The following FMNL1 variants were observed in gnomAD, a reference collection of about 807,000 sequenced individuals.
FMNL1 encodes the protein formin-like protein 1.
A neutral mutation model predicts 121.3 loss-of-function variants in FMNL1; 43 were observed. The ratio of observed to expected loss-of-function variants is 0.35; its 90% confidence interval spans 0.28 to 0.46. The LOEUF is 0.46. Ranked by LOEUF, FMNL1 falls within the 20% of genes least tolerant of loss-of-function variation. The pLI, the probability that FMNL1 is intolerant of heterozygous loss-of-function variation, is 1.00. For synonymous variants in FMNL1, 613 were observed against 613.5 expected, an observed-to-expected ratio of 1.00 and a Z score of 0.01; for missense variants, 1,191 against 1,482.4, an observed-to-expected ratio of 0.80 and a Z score of 3.23.
In FMNL1 at chr17:45,232,471, C is replaced by T. The variant is rs780662516; in HGVS notation, c.318C>T (p.Ser106=). Reference sequence around the variant, plus strand: ...GAAAGGTAGCAGCTGATTGGATGTCCAACCTGGGGGTACATGTCTCCCCTC... The same window carrying T: ...GAAAGGTAGCAGCTGATTGGATGTCTAACCTGGGGGTACATGTCTCCCCTC... ...VSRKVAADWM[S]NLGFKRRVQE... is the part of the protein sequence containing the mutation. The change falls in exon 3 of 27, where the codon TCC becomes TCT. Residue 106 remains serine, a synonymous_variant. Transcript: ENST00000331495. 6.2e-7 allele frequency: 1 copy of T among 1,613,990 alleles called. No individual in the cohort carries two copies.
intron 2 of FMNL1, among the ~76,000 whole-genome samples, chr17:45,230,958 G>A (rs1241325034): frequency 2.6e-5 from 4 of 152,212 alleles, no homozygotes; most frequent in Non-Finnish European, 5.9e-5. Context: ...TGGGGCAGCT[G>A]GGGCCTCGCA....
rs2043234578 is a variant in FMNL1 at position 45,221,983 on chromosome 17, G to A, written c.-142G>A. On this transcript the variant is annotated 5_prime_UTR_variant, in exon 1 of 27. Coordinates refer to ENST00000331495, the MANE Select transcript of FMNL1 (RefSeq NM_005892.4). Reference sequence around the variant, plus strand: ...CGGCCCCTGCGCGCCGCTGAGCCGAGCGCCCCCCGCTGCCGAGACCCCCGC... The same window carrying A: ...CGGCCCCTGCGCGCCGCTGAGCCGAACGCCCCCCGCTGCCGAGACCCCCGC... The A allele has an allele frequency of 1.8e-6, 1 of 561,296 alleles. No individual in the cohort carries two copies. 34.8% of individuals were successfully genotyped at this position (561,296 alleles called of 1,614,324 possible).
Position 45,244,242 on chromosome 17 carries a change from G to T in FMNL1, c.2515G>T (p.Glu839Ter). The change falls in exon 19 of 27, where the codon GAG becomes TAG. Residue 839 changes from glutamate to a stop codon, truncating the protein, a stop_gained and splice_region_variant. Coordinates refer to ENST00000331495, the MANE Select transcript of FMNL1 (RefSeq NM_005892.4). LOFTEE classifies it high-confidence loss of function. The stretch of plus-strand genomic sequence containing the variant: ...CTCTGACAAACTCCGCCAGATCCTG[G>T]AGGTGAGGGGCCAGGAGGTGGGGCC... ...KSSDKLRQIL[E>*]IVLAFGNYMN... 6.2e-7 allele frequency: 1 copy of T among 1,609,934 alleles called. No individual in the cohort carries two copies.
In FMNL1 at chr17:45,222,047, C is replaced by T. The variant is rs2143099008; in HGVS notation, c.-78C>T. ...CGCTGCCCCCTCGCCCCCGCCCGGG[C>T]CGGGAGCCTCGTCCCCGTCCCCCGG... On this transcript the variant is annotated 5_prime_UTR_variant, in exon 1 of 27. Coordinates refer to ENST00000331495, the MANE Select transcript of FMNL1 (RefSeq NM_005892.4). The T allele has an allele frequency of 9.1e-7, 1 of 1,097,028 alleles. No homozygotes were observed. Among genetic ancestry groups the T allele is most frequent in the Non-Finnish European group, 1.1e-6 (1 of 893,954 alleles). 68.0% of individuals were successfully genotyped at this position (1,097,028 alleles called of 1,614,324 possible). A position where few individuals can be genotyped will look rare whatever the true frequency, so the allele number is the denominator to read the frequency against.
At position 45,242,397 on chromosome 17, in the gene FMNL1, G is replaced by T; in HGVS notation, c.1942G>T (p.Val648Leu). 1 of 1,614,118 alleles carries T rather than the reference G, an allele frequency of 6.2e-7. No individual in the cohort carries two copies. Among genetic ancestry groups the T allele is most frequent in the Non-Finnish European group, 8.5e-7 (1 of 1,179,966 alleles). ...GTTCCGAATGCCACTCTTGAACTGG[G>T]TGGCACTGAAACCCAGCCAGATCAC... ...TKFRMPLLNWVALKPSQITGT... is the reference protein window; with the variant it reads ...TKFRMPLLNWLALKPSQITGT... Residue 648 changes from valine to leucine, a missense_variant, in exon 16 of 27, where the codon GTG (valine) becomes TTG (leucine). Val to Leu is a conservative substitution (Grantham distance 32). Around this residue, in one of 4 missense-constraint regions of FMNL1, gnomAD observed 519 missense variants for 492.8 expected, o/e 1.05. Coordinates refer to ENST00000331495, the MANE Select transcript of FMNL1 (RefSeq NM_005892.4).
In FMNL1 at chr17:45,233,607, C is replaced by T. The variant is rs765773745; in HGVS notation, c.402-41C>T. On this transcript the variant is annotated intron_variant, in intron 4 of 26. Transcript: ENST00000331495. This position sits in a 1 kb window ranked among gnomAD's most constrained non-coding sequence, Gnocchi z 4.1. ...TGTTCTGTGCCCATGTGGGGCAGGA[C>T]CTCCTTTCTGGCTGGAGCTCAGGGA... The T allele has an allele frequency of 1.9e-6, 3 of 1,611,356 alleles. No individual in the cohort carries two copies. The highest frequency in any genetic ancestry group is 2.5e-6 in the Non-Finnish European group (3 of 1,178,014).
Position 45,233,221 on chromosome 17 carries a change from C to T in FMNL1, c.328-3C>T, listed in dbSNP as rs369717785. On this transcript the variant is annotated splice_region_variant and splice_polypyrimidine_tract_variant and intron_variant, in intron 3 of 26. Coordinates refer to ENST00000331495, the MANE Select transcript of FMNL1 (RefSeq NM_005892.4). This position sits in a 1 kb window ranked among gnomAD's most constrained non-coding sequence, Gnocchi z 4.1. ...ACCAGCCTTCCCTGTTCTCGGTCCC[C>T]AGTTTAAGAGGCGAGTTCAGGAGTC... 34 of 1,555,154 alleles carry T rather than the reference C, an allele frequency of 2.2e-5. No individual in the cohort carries two copies. The highest frequency in any genetic ancestry group is 3.7e-4 in the Middle Eastern group (2 of 5,370).
In FMNL1 at chr17:45,241,075, G is replaced by A. The variant is rs572558805; in HGVS notation, c.1231-54G>A. The A allele has an allele frequency of 2.5e-6, 4 of 1,602,288 alleles. No individual in the cohort carries two copies. In the South Asian group the frequency reaches 3.3e-5, roughly 13 times the overall value. On this transcript the variant is annotated intron_variant, in intron 12 of 26. Transcript: ENST00000331495. The surrounding 1 kb of genome is among the most constrained non-coding windows in gnomAD (Gnocchi z 7.0). ...GCATGCCTGATGCCGCCCCCTCACC[G>A]GCGGTGCCAGTGCCGGGCTGCGGGT... is the stretch of plus-strand genomic sequence containing the variant.
intron 7 of FMNL1, 70 bp downstream of exon 7, chr17:45,236,314 C>T (rs1191583077): frequency 1.5e-6 from 2 of 1,336,604 alleles, no homozygotes; most frequent in African/African-American, 1.4e-5. Context: ...ACACAAGCTG[C>T]CGAGGCTCTG....
In FMNL1 at chr17:45,244,689, G is replaced by A. The variant is rs1394453968; in HGVS notation, c.2518-130G>A. Reference sequence around the variant, plus strand: ...CATGTGCTGTGGATCTGAGGGGCCTGTGCAGGAGTACAGTAGGGGCTGAGT... The same window carrying A: ...CATGTGCTGTGGATCTGAGGGGCCTATGCAGGAGTACAGTAGGGGCTGAGT... On this transcript the variant is annotated intron_variant, in intron 19 of 26. Coordinates refer to ENST00000331495, the MANE Select transcript of FMNL1 (RefSeq NM_005892.4). 3.3e-6 allele frequency: 3 copies of A among 908,532 alleles called. No individual in the cohort carries two copies. In the African/African-American group the frequency reaches 5.0e-5, roughly 15 times the overall value. The allele number at this position is 908,532 out of a possible 1,614,324, so 56.3% of individuals were successfully genotyped here.
chr17:45,238,402 G>T, intron 9 of FMNL1, 162 bp from the exon 10 acceptor site: 4 of 661,392 alleles, frequency 6.0e-6, no homozygotes, highest in Non-Finnish European at 1.0e-5. Flanking sequence ...AAGTGAGGGA[G>T]AGTGGGAGAT....
At chr17:45,244,687 C>A in intron 19 of FMNL1, 132 bp from the exon 20 acceptor site, 1 of 883,708 alleles carries the variant, frequency 1.1e-6, no homozygotes, top group Non-Finnish European at 1.8e-6. Context: ...TCTGAGGGGC[C>A]TGTGCAGGAG....
intron 6 of FMNL1, among the ~76,000 whole-genome samples, chr17:45,235,182 C>T (rs2043525313): frequency 6.6e-6 from 1 of 152,196 alleles, no homozygotes; most frequent in African/African-American, 2.4e-5. Context: ...TGGCAGGTGC[C>T]CAGGAGACAG....
intron 1 of FMNL1, among the ~76,000 whole-genome samples, chr17:45,228,425 G>A (rs907672893): frequency 2.6e-5 from 4 of 152,210 alleles, no homozygotes; most frequent in Non-Finnish European, 5.9e-5. Context: ...GGCTGTCCTG[G>A]GGGAGTGGAC....
chr17:45,227,267 T>C (rs1369247281), intron 1 of FMNL1, among the ~76,000 whole-genome samples: 1 of 152,094 alleles, frequency 6.6e-6, no homozygotes, highest in Non-Finnish European at 1.5e-5. Flanking sequence ...CCCTAGGGTG[T>C]GGCTGTGTCC....
At chr17:45,244,359 A>C in intron 19 of FMNL1, 115 bp downstream of exon 19, 1 of 1,290,634 alleles carries the variant, frequency 7.7e-7, no homozygotes, top group Non-Finnish European at 1.1e-6. Context: ...TCTCATGTAC[A>C]TGCTGAGAAG....
rs1257950401 is a variant in FMNL1 at position 45,222,262 on chromosome 17, G to C, written c.129+9G>C. ...GGTTCAACCGCGCCCTGGTGAGTGC[G>C]ACCCGGAGGCGGGTCGGGCGCGGGC... On this transcript the variant is annotated intron_variant, in intron 1 of 26. Coordinates refer to ENST00000331495, the MANE Select transcript of FMNL1 (RefSeq NM_005892.4). The C allele has an allele frequency of 1.7e-6, 2 of 1,179,648 alleles. No homozygotes were observed. Among genetic ancestry groups the C allele is most frequent in the Non-Finnish European group, 2.1e-6 (2 of 952,448 alleles). 73.1% of individuals were successfully genotyped at this position (1,179,648 alleles called of 1,614,324 possible).
chr17:45,225,928 A>G (rs999547553), intron 1 of FMNL1, among the ~76,000 whole-genome samples: 1 of 152,198 alleles, frequency 6.6e-6, no homozygotes, highest in South Asian at 2.1e-4. Context: ...TGCCTGACAC[A>G]GAGCAGATGC....
chr17:45,225,382 A>G (rs2043308284), intron 1 of FMNL1, among the ~76,000 whole-genome samples: 1 of 152,142 alleles, frequency 6.6e-6, no homozygotes, highest in Non-Finnish European at 1.5e-5. Context: ...AGGGCAGATG[A>G]AGTGTGGGGA....
Sources: allele counts gnomAD v4.1 joint callset (sites outside exome capture counted in the v4.1 genomes callset), GRCh38; gene constraint gnomAD v4.1.1; regional missense constraint gnomAD v4.1.1; non-coding constraint Gnocchi (gnomAD v3.1); transcripts MANE v1.5; gene names NCBI Gene and HGNC (gene_info 2026-07-23, HGNC 2026-07-21).